UFM1: variants seen among roughly 807,000 people sequenced by gnomAD.
UFM1 encodes the protein ubiquitin fold modifier 1.
In UFM1, 9 loss-of-function variants were observed where a neutral mutation model predicts 15.4. The ratio of observed to expected loss-of-function variants is 0.59; its 90% CI spans 0.35 to 1.02. The LOEUF is 1.02. Ranked by LOEUF, UFM1 falls within the 50% of genes least tolerant of loss-of-function variation. The pLI is 0.02. For missense variants in UFM1, 98 were observed against 104.7 expected, an observed-to-expected ratio of 0.94 and a Z score of 0.28; for synonymous variants, 27 against 36.3, an observed-to-expected ratio of 0.74 and a Z score of 0.92.
chr13:38,362,648 C>G lies in UFM1; in HGVS notation c.*1870C>G, dbSNP rs1322877435. The G allele has an allele frequency of 1.3e-5, 2 of 151,858 alleles. No individual in the cohort carries two copies. Among genetic ancestry groups the G allele is most frequent in the Non-Finnish European group, 2.9e-5 (2 of 67,972 alleles). The allele number at this position is 151,858 out of a possible 1,614,324, so 9.4% of individuals were successfully genotyped here. A position where few individuals can be genotyped will look rare whatever the true frequency, so the allele number is the denominator to read the frequency against. On this transcript the variant is annotated 3_prime_UTR_variant, in exon 6 of 6. Transcript: ENST00000239878. ...TGATGTTCAGAGGCCCCGTTTCTTA[C>G]AATAAATGTTGAGTCTTAGTTAAGC... is the stretch of plus-strand genomic sequence containing the variant.
At chr13:38,352,338 C>T (rs768339176) in intron 2 of UFM1, among the ~76,000 whole-genome samples, 1 of 152,078 alleles carries the variant, frequency 6.6e-6, no homozygotes, top group Non-Finnish European at 1.5e-5. Context: ...ACCTCGTGAT[C>T]TGCCCACCTC....
chr13:38,350,078 G>T, intron 2 of UFM1, 23 bp downstream of exon 2: 1 of 1,614,248 alleles, frequency 6.2e-7, no homozygotes, highest in Non-Finnish European at 8.5e-7. Flanking sequence ...GCCGAGATGG[G>T]CCTTTTGGGG....
Position 38,359,333 on chromosome 13 carries a change from GGTGA to G in UFM1, c.190+3_190+6del, listed in dbSNP as rs867678548. On this transcript the variant is annotated splice_donor_variant and splice_donor_region_variant and intron_variant, in intron 5 of 5. Coordinates refer to ENST00000239878, the MANE Select transcript of UFM1 (RefSeq NM_016617.4). LOFTEE classifies it high-confidence loss of function. The stretch of plus-strand genomic sequence containing the variant: ...AGGAATAAATCCTGCACAGACTGCT[GGTGA>G]GTATTTGAAAACTCATAGAGGAGTG... 1 of 1,611,594 alleles carries G rather than the reference GGTGA, an allele frequency of 6.2e-7. No individual in the cohort carries two copies. Among genetic ancestry groups the G allele is most frequent in the Non-Finnish European group, 8.5e-7 (1 of 1,178,266 alleles).
intron 2 of UFM1, among the ~76,000 whole-genome samples, chr13:38,353,373 T>C (rs1277321132): frequency 6.6e-6 from 1 of 152,188 alleles, no homozygotes; most frequent in Non-Finnish European, 1.5e-5. Context: ...TTTTCTGTTT[T>C]CACTCATTGT....
At chr13:38,352,705 G>T (rs2140052176) in intron 2 of UFM1, among the ~76,000 whole-genome samples, 1 of 152,212 alleles carries the variant, frequency 6.6e-6, no homozygotes, top group South Asian at 2.1e-4. Context: ...TGCATTAAAA[G>T]ATGTTTTCAT....
At chr13:38,360,423 G>A (rs1879316791) in intron 5 of UFM1, among the ~76,000 whole-genome samples, 1 of 151,834 alleles carries the variant, frequency 6.6e-6, no homozygotes. Context: ...ATATATTATT[G>A]TGTATTGAAG....
rs1444275324 is a variant in UFM1, at chr13:38,361,849, T to C, written c.*1071T>C. The C allele has an allele frequency of 6.6e-6, 1 of 152,212 alleles. No individual in the cohort carries two copies. Among genetic ancestry groups the C allele is most frequent in the Non-Finnish European group, 1.5e-5 (1 of 68,082 alleles). 9.4% of individuals were successfully genotyped at this position (152,212 alleles called of 1,614,324 possible). A position where few individuals can be genotyped will look rare whatever the true frequency, so the allele number is the denominator to read the frequency against. On this transcript the variant is annotated 3_prime_UTR_variant, in exon 6 of 6. Transcript: ENST00000239878. ...GAAAAGCGGACTGGATAGACAAAAC[T>C]GCAGAAGGTGTATGTTGGGGAGAAC...
intron 2 of UFM1, among the ~76,000 whole-genome samples, chr13:38,351,354 T>C (rs1878840988): frequency 6.6e-6 from 1 of 152,244 alleles, no homozygotes; most frequent in African/African-American, 2.4e-5. Context: ...TAATACATTC[T>C]TCAAGTTTGC....
At position 38,355,823 on chromosome 13, in the gene UFM1, A is replaced by G. The variant is rs145715781; in HGVS notation, c.117+1527A>G. ...AGATCGTTGTGAGAGGGGCTTTCACAAGATAACATTGTAGAATCATTCAGT... is the reference window on the plus strand; with the variant it reads ...AGATCGTTGTGAGAGGGGCTTTCACGAGATAACATTGTAGAATCATTCAGT... On this transcript the variant is annotated intron_variant, in intron 3 of 5. Transcript: ENST00000239878. 4.3e-3 allele frequency among the ~76,000 whole-genome samples: 660 copies of G among 152,024 alleles called. 3 individuals carry two copies. Among genetic ancestry groups the G allele is most frequent in the African/African-American group, 0.015 (623 of 41,552 alleles).
chr13:38,360,734 T>C lies in UFM1; in HGVS notation c.214T>C (p.Ser72Pro). Residue 72 changes from serine to proline, a missense_variant, in exon 6 of 6, where the codon TCA becomes CCA. Transcript: ENST00000239878. ...AGGAAATGTTTTTCTAAAACATGGT[T>C]CAGAACTGCGGATTATTCCTAGAGA... is the stretch of plus-strand genomic sequence containing the variant. ...TAGNVFLKHG[S>P]ELRIIPRDRV... 6.2e-7 allele frequency: 1 copy of C among 1,608,982 alleles called. No homozygotes were observed. Among genetic ancestry groups the C allele is most frequent in the Non-Finnish European group, 8.5e-7 (1 of 1,178,078 alleles).
At chr13:38,359,118 G>GA (rs1259620613) in intron 4 of UFM1, among the ~76,000 whole-genome samples, 183 bp from the exon 5 acceptor site, 3 of 152,040 alleles carry the variant, frequency 2.0e-5, no homozygotes, top group Non-Finnish European at 4.4e-5. Context: ...TATGAATGCA[G>GA]AATAATAGTA....
In UFM1 at chr13:38,350,250, TCAGCTTGG is replaced by T. The variant is rs766251135; in HGVS notation, c.59+205_59+212del. Reference sequence around the variant, plus strand: ...GAGGTCCGTACTTGCTCGCTAAGTGTCAGCTTGGCAGCTTGGCCCCGTCACGAGGGTGT... The same window carrying T: ...GAGGTCCGTACTTGCTCGCTAAGTGTCAGCTTGGCCCCGTCACGAGGGTGT... On this transcript the variant is annotated intron_variant, in intron 2 of 5. Transcript: ENST00000239878. 78 of 1,591,930 alleles carry T rather than the reference TCAGCTTGG, an allele frequency of 4.9e-5. 1 individual carries two copies. The highest frequency in any genetic ancestry group is 6.4e-5 in the Non-Finnish European group (75 of 1,168,858).
At chr13:38,358,071 A>ATTTTT in intron 3 of UFM1, 22 bp from the exon 4 acceptor site, 1 of 554,758 alleles carries the variant, frequency 1.8e-6, no homozygotes, top group Non-Finnish European at 2.6e-6. Flanking sequence ...ATATATATAT[A>ATTTTT]TTTTTTTTTC....
At chr13:38,358,069 ATAT>A (rs1160111519) in intron 3 of UFM1, 21 bp from the exon 4 acceptor site, 12 of 968,944 alleles carry the variant, frequency 1.2e-5, no homozygotes, top group Admixed American at 3.7e-5. Context: ...ATATATATAT[ATAT>A]TTTTTTTTCC....
intron 2 of UFM1, 145 bp downstream of exon 2, chr13:38,350,200 C>T (rs149897266): frequency 3.1e-6 from 5 of 1,612,824 alleles, no homozygotes; most frequent in Admixed American, 3.3e-5. Context: ...CTTCCAGGAG[C>T]CTTTCCCACC....
At chr13:38,356,833 T>C (rs1879122018) in intron 3 of UFM1, among the ~76,000 whole-genome samples, 1 of 151,860 alleles carries the variant, frequency 6.6e-6, no homozygotes, top group Non-Finnish European at 1.5e-5. Flanking sequence ...TTTCCAAACT[T>C]GATCACAAAA....
Position 38,361,775 on chromosome 13 carries a change from A to G in UFM1, c.*997A>G, listed in dbSNP as rs1276302727. On this transcript the variant is annotated 3_prime_UTR_variant, in exon 6 of 6. Transcript: ENST00000239878. Reference sequence around the variant, plus strand: ...CCAGGCTTCTATTAAGGAGGAAAGCAACAGAGGAAACAGTGAAGGGGAACA... The same window carrying G: ...CCAGGCTTCTATTAAGGAGGAAAGCGACAGAGGAAACAGTGAAGGGGAACA... The G allele has an allele frequency of 6.6e-6, 1 of 152,414 alleles. No homozygotes were observed. The highest frequency in any genetic ancestry group is 2.4e-5 in the African/African-American group (1 of 41,474). 9.4% of individuals were successfully genotyped at this position (152,414 alleles called of 1,614,324 possible).
At chr13:38,356,396 A>T (rs1180472555) in intron 3 of UFM1, among the ~76,000 whole-genome samples, 1 of 151,816 alleles carries the variant, frequency 6.6e-6, no homozygotes, top group African/African-American at 2.4e-5. Flanking sequence ...CCTGTGCAAA[A>T]TATTTGTGAT....
intron 4 of UFM1, 129 bp from the exon 5 acceptor site, chr13:38,359,172 T>G: frequency 1.5e-6 from 1 of 662,104 alleles, no homozygotes; most frequent in Admixed American, 2.8e-5. Context: ...ACTCGTGTTC[T>G]TGGATTTAAA....
Sources: gnomAD v4.1 joint callset for allele counts (sites outside exome capture counted in the v4.1 genomes callset) on GRCh38, gnomAD v4.1.1 for gene constraint, MANE v1.5 for transcripts, NCBI Gene and HGNC (gene_info 2026-07-23, HGNC 2026-07-21) for gene names.